VIPR2: variants seen among roughly 807,000 people sequenced by gnomAD.
The protein encoded by VIPR2 is vasoactive intestinal peptide receptor 2, also known as vasoactive intestinal polypeptide receptor 2.
A neutral mutation model predicts 58.0 loss-of-function variants in VIPR2; 48 were observed. The observed-to-expected ratio is 0.83, with a 90% CI of 0.66 to 1.05. The LOEUF (loss-of-function observed/expected upper bound fraction) is 1.05. Ranked by LOEUF, VIPR2 falls within the 50% of genes least tolerant of loss-of-function variation. The pLI, the probability that VIPR2 is intolerant of heterozygous loss-of-function variation, is 0.00. For synonymous variants in VIPR2, 243 were observed against 235.2 expected (o/e 1.03, Z -0.30); for missense variants, 534 against 558.0 (o/e 0.96, Z 0.43).
intron 5 of VIPR2, among the ~76,000 whole-genome samples, chr7:159,055,987 G>A (rs1461513468): frequency 1.3e-5 from 2 of 152,234 alleles, no homozygotes; most frequent in East Asian, 1.9e-4. Context: ...CCATCTGACA[G>A]TGACAGAGGT....
chr7:159,122,225 G>C (rs1475067317), intron 2 of VIPR2, among the ~76,000 whole-genome samples: 1 of 152,244 alleles, frequency 6.6e-6, no homozygotes, highest in Non-Finnish European at 1.5e-5. Context: ...AGTGTCCCCA[G>C]ACGTCTTCCT....
rs1288397302 is a variant in VIPR2, at chr7:159,127,793, A to G, written c.151+14653T>C. Among the ~76,000 whole-genome samples, 1 of 152,176 alleles carries G rather than the reference A, an allele frequency of 6.6e-6. No individual in the cohort carries two copies. The highest frequency in any genetic ancestry group is 1.9e-4 in the East Asian group (1 of 5,184). On this transcript the variant is annotated intron_variant, in intron 2 of 12. Transcript: ENST00000262178. The surrounding 1 kb of genome is among the most constrained non-coding windows in gnomAD (Gnocchi z 4.6). ...ACAGCCAGTGCTTCCTTCCACGTCAAATATTCTCAAACCCTTTTCCCAAAC... is the reference window on the plus strand; with the variant it reads ...ACAGCCAGTGCTTCCTTCCACGTCAGATATTCTCAAACCCTTTTCCCAAAC...
At chr7:159,061,348 G>GA (rs57425728) in intron 4 of VIPR2, among the ~76,000 whole-genome samples, 106,201 of 136,824 alleles carry the variant, frequency 0.78, 41,374 homozygotes, top group East Asian at 0.92. Flanking sequence ...AATAAAAGTT[G>GA]AAAAAAAAAA....
At chr7:159,062,735 G>A (rs923290412) in intron 4 of VIPR2, among the ~76,000 whole-genome samples, 7 of 152,146 alleles carry the variant, frequency 4.6e-5, no homozygotes, top group African/African-American at 1.4e-4. Context: ...AGCACATAAG[G>A]AGACCCAGTG....
At chr7:159,059,566 C>G (rs375634210) in intron 4 of VIPR2, among the ~76,000 whole-genome samples, 3 of 152,244 alleles carry the variant, frequency 2.0e-5, no homozygotes, top group African/African-American at 7.2e-5. Context: ...ACATATTAAC[C>G]CATTTACTTT....
At chr7:159,040,602 T>C (rs528721670) in intron 6 of VIPR2, among the ~76,000 whole-genome samples, 2 of 152,320 alleles carry the variant, frequency 1.3e-5, no homozygotes, top group Non-Finnish European at 2.9e-5. Flanking sequence ...CTGATCCTAA[T>C]ATCATGAGAA....
At chr7:159,062,896 T>G (rs1448320113) in intron 4 of VIPR2, among the ~76,000 whole-genome samples, 2 of 152,200 alleles carry the variant, frequency 1.3e-5, no homozygotes, top group Non-Finnish European at 2.9e-5. Flanking sequence ...TTGGTGCGTT[T>G]ACAATCCCTG....
At chr7:159,101,863 G>T (rs1173673306) in intron 4 of VIPR2, among the ~76,000 whole-genome samples, 3 of 123,608 alleles carry the variant, frequency 2.4e-5, no homozygotes, top group African/African-American at 6.6e-5. Context: ...CCGACGAGGC[G>T]GTTCCCACTG....
intron 4 of VIPR2, among the ~76,000 whole-genome samples, chr7:159,084,179 C>G (rs1307428920): frequency 1.3e-5 from 2 of 152,264 alleles, no homozygotes; most frequent in African/African-American, 2.4e-5. Flanking sequence ...CCTTAGTAAA[C>G]AAGACCAACG....
intron 3 of VIPR2, 63 bp downstream of exon 3, chr7:159,109,749 A>T: frequency 6.7e-7 from 1 of 1,495,942 alleles, no homozygotes. Flanking sequence ...CTTGGATGGA[A>T]AAAATGGACG....
chr7:159,033,907 A>G (rs981658819), intron 10 of VIPR2, among the ~76,000 whole-genome samples: 1 of 152,216 alleles, frequency 6.6e-6, no homozygotes, highest in Non-Finnish European at 1.5e-5. Flanking sequence ...TGACTTCCAC[A>G]GTTGCCAAGG....
At chr7:159,117,768 A>C (rs1796295181) in intron 2 of VIPR2, among the ~76,000 whole-genome samples, 1 of 152,176 alleles carries the variant, frequency 6.6e-6, no homozygotes, top group Non-Finnish European at 1.5e-5. Context: ...ATCAGTGACC[A>C]AGTGTCAGCA....
chr7:159,076,394 C>A (rs1466170496), intron 4 of VIPR2, among the ~76,000 whole-genome samples: 2 of 152,186 alleles, frequency 1.3e-5, no homozygotes, highest in African/African-American at 4.8e-5. Context: ...TTCTAAAAGA[C>A]AAACTGATTC....
intron 6 of VIPR2, among the ~76,000 whole-genome samples, chr7:159,037,843 A>G (rs1854070329): frequency 6.6e-6 from 1 of 152,002 alleles, no homozygotes; most frequent in African/African-American, 2.4e-5. Flanking sequence ...TTTCATTTCC[A>G]TTCTTATTTC....
At chr7:159,068,667 T>C (rs866364294) in intron 4 of VIPR2, among the ~76,000 whole-genome samples, 6 of 152,188 alleles carry the variant, frequency 3.9e-5, no homozygotes, top group African/African-American at 1.4e-4. Flanking sequence ...ACGTTTGTTG[T>C]AGGAGTGGCG....
chr7:159,073,877 T>G (rs1214399952), intron 4 of VIPR2, among the ~76,000 whole-genome samples: 2 of 152,156 alleles, frequency 1.3e-5, no homozygotes, highest in African/African-American at 4.8e-5. Context: ...GTGGAACCTT[T>G]TTTTCTACAG....
chr7:159,035,365 G>C (rs185627162), intron 8 of VIPR2, among the ~76,000 whole-genome samples: 1 of 152,240 alleles, frequency 6.6e-6, no homozygotes, highest in Admixed American at 6.5e-5. Flanking sequence ...GAATCACACC[G>C]TAACTAGACG....
chr7:159,031,652 T>A lies in VIPR2; in HGVS notation c.1143+176A>T. On this transcript the variant is annotated intron_variant, in intron 12 of 12. Coordinates refer to ENST00000262178, the MANE Select transcript of VIPR2 (RefSeq NM_003382.5). The surrounding 1 kb of genome is among the most constrained non-coding windows in gnomAD (Gnocchi z 4.0). ...GGTTTGGAAGCTGGGCCCAGAAGAG[T>A]GGGTTTGCCTGTGTCGTTGTGGGTT... The A allele has an allele frequency of 1.0e-6, 1 of 984,142 alleles. No homozygotes were observed. The highest frequency in any genetic ancestry group is 1.8e-5 in the African/African-American group (1 of 56,840). 61.0% of individuals were successfully genotyped at this position (984,142 alleles called of 1,614,324 possible).
intron 5 of VIPR2, 50 bp from the exon 6 acceptor site, chr7:159,043,226 A>C: frequency 7.8e-7 from 1 of 1,274,176 alleles, no homozygotes. Flanking sequence ...AAGGGGAGGG[A>C]GGGAGAGAGA....
Sources: allele counts gnomAD v4.1 joint callset (sites outside exome capture counted in the v4.1 genomes callset), GRCh38; gene constraint gnomAD v4.1.1; non-coding constraint Gnocchi (gnomAD v3.1); transcripts MANE v1.5; gene names NCBI Gene and HGNC (gene_info 2026-07-23, HGNC 2026-07-21).